The following MIGA2 variants were observed in gnomAD, a reference collection of about 807,000 sequenced individuals.
MIGA2 encodes the protein mitoguardin 2, also known as family with sequence similarity 73, member B.
Under a neutral mutation model 69.9 loss-of-function variants are expected in MIGA2, and 36 were observed. The ratio of observed to expected loss-of-function variants is 0.52; its 90% CI spans 0.39 to 0.68. The LOEUF (loss-of-function observed/expected upper bound fraction) is 0.68. Among genes scored for constraint, MIGA2 ranks in the 30% least tolerant of loss-of-function variants. MIGA2 has a pLI of 0.00. For synonymous variants in MIGA2, 333 were observed against 349.2 expected, an observed-to-expected ratio of 0.95 and a Z score of 0.52; for missense variants, 660 against 787.7, an observed-to-expected ratio of 0.84 and a Z score of 1.94.
chr9:129,070,408 T>G lies in MIGA2; in HGVS notation c.1737T>G (p.Asn579Lys). The G allele has an allele frequency of 6.2e-7, 1 of 1,608,770 alleles. No individual in the cohort carries two copies. Among genetic ancestry groups the G allele is most frequent in the Non-Finnish European group, 8.5e-7 (1 of 1,177,502 alleles). The change falls in exon 16 of 16, where the codon AAT becomes AAG. Residue 579 changes from asparagine to lysine, a missense_variant. Asn to Lys is a moderately conservative substitution (Grantham distance 94, BLOSUM62 0). Coordinates refer to ENST00000684074, the MANE Select transcript of MIGA2 (RefSeq NM_001329990.2). ...GVPAASSAGV[N>K]GALPRENGPL... The stretch of plus-strand genomic sequence containing the variant: ...CCGCGGCCAGCAGCGCAGGCGTGAA[T>G]GGGGCGCTGCCCCGAGAGAATGGGC...
At chr9:129,058,634 G>A (rs1418599887) in intron 6 of MIGA2, among the ~76,000 whole-genome samples, 2 of 151,440 alleles carry the variant, frequency 1.3e-5, no homozygotes. Context: ...TGAGTAGCTG[G>A]GACTATAGAC....
rs759541778 is a variant in MIGA2, at chr9:129,069,893, T to C, written c.1503T>C (p.His501=). 8.1e-6 allele frequency: 13 copies of C among 1,613,768 alleles called. No individual in the cohort carries two copies. The highest frequency in any genetic ancestry group is 2.2e-5 in the South Asian group (2 of 91,088). The stretch of plus-strand genomic sequence containing the variant: ...CCCATTTCTACTCCGTATCGGAGCA[T>C]GTGAGCCCTGTCCTAGCCTTCGGCT... ...FISHFYSVSE[H]VSPVLAFGFL... is the part of the protein sequence containing the mutation. The change falls in exon 15 of 16, where the codon CAT becomes CAC. Residue 501 remains histidine (H), a synonymous_variant. Coordinates refer to ENST00000684074, the MANE Select transcript of MIGA2 (RefSeq NM_001329990.2). The surrounding 1 kb of genome is among the most constrained non-coding windows in gnomAD (Gnocchi z 4.9).
intron 11 of MIGA2, among the ~76,000 whole-genome samples, chr9:129,066,054 C>T (rs1480130910): frequency 6.6e-6 from 1 of 152,188 alleles, no homozygotes; most frequent in African/African-American, 2.4e-5. Context: ...TGGCAGTGGC[C>T]GTTTACCTGG....
In MIGA2 at chr9:129,059,125, T is replaced by TGGGTTGAGGGTCC; in HGVS notation, c.676-28_676-16dup. On this transcript the variant is annotated intron_variant, in intron 6 of 15. Coordinates refer to ENST00000684074, the MANE Select transcript of MIGA2 (RefSeq NM_001329990.2). This position sits in a 1 kb window ranked among gnomAD's most constrained non-coding sequence, Gnocchi z 5.6. The stretch of plus-strand genomic sequence containing the variant: ...ATTTTCATCGGGAGCTTTGAGGGTC[T>TGGGTTGAGGGTCC]GGGTTGAGGGTCCTTGTTTTTATGG... 1 of 1,602,526 alleles carries TGGGTTGAGGGTCC rather than the reference T, an allele frequency of 6.2e-7. No individual in the cohort carries two copies. Among genetic ancestry groups the TGGGTTGAGGGTCC allele is most frequent in the Non-Finnish European group, 8.5e-7 (1 of 1,169,890 alleles).
intron 9 of MIGA2, among the ~76,000 whole-genome samples, chr9:129,062,909 G>T (rs934463009): frequency 1.3e-5 from 2 of 152,196 alleles, no homozygotes; most frequent in Non-Finnish European, 2.9e-5. Context: ...AGGGTGATCT[G>T]CCACATCTGC....
intron 3 of MIGA2, among the ~76,000 whole-genome samples, chr9:129,043,743 C>T (rs1441440748): frequency 6.6e-6 from 1 of 151,960 alleles, no homozygotes; most frequent in Non-Finnish European, 1.5e-5. Context: ...CTCTGTCACC[C>T]GGGCTGGAGT....
intron 11 of MIGA2, 24 bp downstream of exon 11, chr9:129,063,655 G>GGGGCC: frequency 8.5e-5 from 55 of 645,578 alleles, no homozygotes; most frequent in Non-Finnish European, 1.3e-4. Flanking sequence ...GGGTGGGGGG[G>GGGGCC]CAAATTATAA....
chr9:129,037,108 A>G, intron 1 of MIGA2: 1 of 967,828 alleles, frequency 1.0e-6, no homozygotes, highest in Non-Finnish European at 1.3e-6. Context: ...GAAGACGGGG[A>G]TATTGCTGAG....
chr9:129,062,991 C>G (rs866938254), intron 9 of MIGA2, among the ~76,000 whole-genome samples: 1 of 152,218 alleles, frequency 6.6e-6, no homozygotes, highest in Admixed American at 6.5e-5. Flanking sequence ...CTAAGGAGGC[C>G]TCGGTCATCT....
rs541995904 is a variant in MIGA2 at position 129,058,961 on chromosome 9, C to G, written c.676-193C>G. On this transcript the variant is annotated intron_variant, in intron 6 of 15. Coordinates refer to ENST00000684074, the MANE Select transcript of MIGA2 (RefSeq NM_001329990.2). ...TGTGTGTTTACACTCTGGGACTGTC[C>G]AGGTTTCCAGTGCTCAGCTGCCAGA... 2.0e-5 allele frequency among the ~76,000 whole-genome samples: 3 copies of G among 152,274 alleles called. No homozygotes were observed. The East Asian group carries it at 5.8e-4, about 29-fold the overall frequency.
intron 15 of MIGA2, 26 bp from the exon 16 acceptor site, chr9:129,070,221 G>A: frequency 6.2e-7 from 1 of 1,604,374 alleles, no homozygotes; most frequent in African/African-American, 1.3e-5. Flanking sequence ...GCTGGGCCAG[G>A]CCTGACACCA....
Position 129,068,687 on chromosome 9 carries a change from G to T in MIGA2, c.1404+355G>T. On this transcript the variant is annotated intron_variant, in intron 13 of 15. Transcript: ENST00000684074. The surrounding 1 kb of genome is among the most constrained non-coding windows in gnomAD (Gnocchi z 4.1). ...AAGGCACAGAGTGAGAGACAACCCAGCACAGGACCCCCAGGAAGGCAAGCA... is the reference window on the plus strand; with the variant it reads ...AAGGCACAGAGTGAGAGACAACCCATCACAGGACCCCCAGGAAGGCAAGCA... The T allele has an allele frequency of 2.4e-6, 1 of 418,500 alleles. No homozygotes were observed. Among genetic ancestry groups the T allele is most frequent in the East Asian group, 4.5e-5 (1 of 22,188 alleles). The allele number at this position is 418,500 out of a possible 1,614,324, so 25.9% of individuals were successfully genotyped here.
intron 2 of MIGA2, among the ~76,000 whole-genome samples, chr9:129,041,331 CAA>C (rs777281536): frequency 7.2e-6 from 1 of 139,056 alleles, no homozygotes; most frequent in African/African-American, 2.6e-5. Context: ...GACTCCGCCT[CAA>C]AAAAAAAAAA....
chr9:129,049,482 G>A lies in MIGA2; in HGVS notation c.522G>A (p.Glu174=), dbSNP rs200924691. Residue 174 remains glutamate, a synonymous_variant, in exon 5 of 16, where the codon GAG becomes GAA. Coordinates refer to ENST00000684074, the MANE Select transcript of MIGA2 (RefSeq NM_001329990.2). ...ESLTTSDGNA[E]SLYMQGMELF... Reference sequence around the variant, plus strand: ...TGACCACCAGCGACGGCAATGCAGAGAGCCTGTACATGCAAGGTGTGGCCA... The same window carrying A: ...TGACCACCAGCGACGGCAATGCAGAAAGCCTGTACATGCAAGGTGTGGCCA... 6.2e-7 allele frequency: 1 copy of A among 1,613,530 alleles called. No homozygotes were observed. The highest frequency in any genetic ancestry group is 1.3e-5 in the African/African-American group (1 of 75,056).
At chr9:129,065,122 A>C (rs1213711181) in intron 11 of MIGA2, among the ~76,000 whole-genome samples, 1 of 150,188 alleles carries the variant, frequency 6.7e-6, no homozygotes, top group African/African-American at 2.5e-5. Flanking sequence ...TATGAAATAC[A>C]CATAGGAGAG....
chr9:129,058,814 T>C (rs1444886647), intron 6 of MIGA2, among the ~76,000 whole-genome samples: 5 of 152,156 alleles, frequency 3.3e-5, no homozygotes, highest in Non-Finnish European at 5.9e-5. Flanking sequence ...GTCCACAGTT[T>C]TCAAGGGTCA....
chr9:129,070,305 C>T lies in MIGA2; in HGVS notation c.1634C>T (p.Ser545Leu). ...MFDLDNVRYT[S>L]LPALADDILQ... ...GACCTGGACAATGTGCGCTACACGTCACTGCCCGCGCTGGCAGACGACATC... is the reference window on the plus strand; with the variant it reads ...GACCTGGACAATGTGCGCTACACGTTACTGCCCGCGCTGGCAGACGACATC... The change falls in exon 16 of 16, where the codon TCA becomes TTA. Residue 545 changes from serine (S) to leucine (L), a missense_variant. Physicochemically the swap from Ser to Leu is moderately radical, Grantham distance 145 (BLOSUM62 -2). Transcript: ENST00000684074. 1 of 1,613,184 alleles carries T rather than the reference C, an allele frequency of 6.2e-7. No individual in the cohort carries two copies. Among genetic ancestry groups the T allele is most frequent in the Non-Finnish European group, 8.5e-7 (1 of 1,180,016 alleles).
chr9:129,042,184 G>T, intron 2 of MIGA2, 120 bp from the exon 3 acceptor site: 1 of 952,760 alleles, frequency 1.0e-6, no homozygotes. Flanking sequence ...TCTCTCATCT[G>T]GTCGGCAGAT....
At chr9:129,062,450 T>G (rs912321877) in intron 9 of MIGA2, among the ~76,000 whole-genome samples, 5 of 149,254 alleles carry the variant, frequency 3.3e-5, no homozygotes, top group African/African-American at 7.4e-5. Flanking sequence ...GAGGATCACT[T>G]GAACCCGGGA....
Sources: gnomAD v4.1 joint callset for allele counts (sites outside exome capture counted in the v4.1 genomes callset) on GRCh38, gnomAD v4.1.1 for gene constraint, Gnocchi (gnomAD v3.1) non-coding constraint, MANE v1.5 for transcripts, NCBI Gene and HGNC (gene_info 2026-07-23, HGNC 2026-07-21) for gene names.